The following KPNA3 variants were observed in gnomAD, a reference collection of about 807,000 sequenced individuals.
KPNA3 encodes the protein karyopherin subunit alpha 3, also known as importin subunit alpha-4.
A neutral mutation model predicts 73.8 loss-of-function variants in KPNA3; 13 were observed. The observed-to-expected ratio is 0.18, with a 90% CI of 0.11 to 0.28. KPNA3 has a LOEUF of 0.28. Among genes scored for constraint, KPNA3 ranks in the 10% least tolerant of loss-of-function variants. KPNA3 has a pLI of 1.00. For missense variants in KPNA3, 360 were observed against 618.1 expected (o/e 0.58, Z 4.43); for synonymous variants, 186 against 206.9 (o/e 0.90, Z 0.87).
At chr13:49,723,538 C>T (rs976498349) in intron 7 of KPNA3, among the ~76,000 whole-genome samples, 4 of 151,536 alleles carry the variant, frequency 2.6e-5, no homozygotes, top group African/African-American at 7.3e-5. Flanking sequence ...CACTGCACTC[C>T]AGCCTGGGTG....
chr13:49,788,821 C>T (rs1174587593), intron 1 of KPNA3, among the ~76,000 whole-genome samples: 1 of 149,534 alleles, frequency 6.7e-6, no homozygotes, highest in East Asian at 2.0e-4. Context: ...CTACAAAATG[C>T]ATCCCCTACC....
intron 1 of KPNA3, among the ~76,000 whole-genome samples, chr13:49,762,081 G>C (rs116905711): frequency 6.6e-6 from 1 of 150,762 alleles, no homozygotes; most frequent in Admixed American, 6.6e-5. Context: ...ATCTCCGCCC[G>C]GCAGACGCCC....
intron 1 of KPNA3, among the ~76,000 whole-genome samples, chr13:49,761,220 C>T (rs1375569458): frequency 3.3e-5 from 5 of 151,760 alleles, no homozygotes; most frequent in African/African-American, 9.7e-5. Context: ...CTCCCTCTCC[C>T]CACGGTCTCC....
At chr13:49,712,242 G>A (rs575325868) in intron 10 of KPNA3, among the ~76,000 whole-genome samples, 1 of 152,230 alleles carries the variant, frequency 6.6e-6, no homozygotes, top group Admixed American at 6.5e-5. Context: ...CAAGATCCAG[G>A]AAATTCTCAA....
chr13:49,781,159 ACTTACC>A (rs1170052573), intron 1 of KPNA3, among the ~76,000 whole-genome samples: 2 of 152,166 alleles, frequency 1.3e-5, no homozygotes, highest in African/African-American at 4.8e-5. Flanking sequence ...GCCTTCAGTG[ACTTACC>A]CAGGCCAACT....
chr13:49,743,856 A>G (rs1456447365), intron 2 of KPNA3, among the ~76,000 whole-genome samples: 2 of 152,180 alleles, frequency 1.3e-5, no homozygotes, highest in Non-Finnish European at 1.5e-5. Flanking sequence ...GTAAGGGCCC[A>G]TATCTGGTGG....
intron 1 of KPNA3, among the ~76,000 whole-genome samples, chr13:49,752,614 A>G (rs1273326367): frequency 1.3e-5 from 2 of 152,328 alleles, no homozygotes; most frequent in East Asian, 1.9e-4. Flanking sequence ...GAAATAAAGC[A>G]AAAAATTATT....
intron 1 of KPNA3, among the ~76,000 whole-genome samples, chr13:49,787,887 C>A (rs1954997828): frequency 6.6e-6 from 1 of 152,088 alleles, no homozygotes; most frequent in African/African-American, 2.4e-5. Flanking sequence ...ACCATGTTGG[C>A]CAGGCTGGTC....
chr13:49,752,758 G>C (rs941287262), intron 1 of KPNA3, among the ~76,000 whole-genome samples: 1 of 152,056 alleles, frequency 6.6e-6, no homozygotes, highest in African/African-American at 2.4e-5. Flanking sequence ...GCTGGGCACG[G>C]TGGCTTACGT....
At position 49,709,104 on chromosome 13, in the gene KPNA3, G is replaced by A. The variant is rs531375681; in HGVS notation, c.1032+468C>T. Among the ~76,000 whole-genome samples, 42 of 152,102 alleles carry A rather than the reference G, an allele frequency of 2.8e-4. No individual in the cohort carries two copies. In the East Asian group the frequency reaches 7.2e-3, roughly 26 times the overall value. ...GACCAGGGCAGCACCTACCAGAAGC[G>A]ATTAAAAGTTGAAAAAGGCTGGGCG... On this transcript the variant is annotated intron_variant, in intron 12 of 16. Transcript: ENST00000261667.
chr13:49,708,937 G>C (rs1954233334), intron 12 of KPNA3, among the ~76,000 whole-genome samples: 1 of 152,090 alleles, frequency 6.6e-6, no homozygotes, highest in Non-Finnish European at 1.5e-5. Context: ...TTTATGATCG[G>C]TTTGTTTAAA....
At chr13:49,712,432 AG>A (rs1157271610) in intron 10 of KPNA3, among the ~76,000 whole-genome samples, 6 of 152,138 alleles carry the variant, frequency 3.9e-5, no homozygotes, top group Admixed American at 3.9e-4. Flanking sequence ...ACATGATAGA[AG>A]GGGGAAAAAA....
chr13:49,721,886 T>C (rs375612778), intron 9 of KPNA3, 69 bp downstream of exon 9: 63 of 1,062,198 alleles, frequency 5.9e-5, no homozygotes, highest in South Asian at 4.1e-4. Flanking sequence ...TTTTGTCCCC[T>C]GTATATGAAT....
chr13:49,742,727 C>T (rs945594363), intron 2 of KPNA3, among the ~76,000 whole-genome samples: 1 of 151,908 alleles, frequency 6.6e-6, no homozygotes, highest in African/African-American at 2.4e-5. Context: ...ACTAATTCTT[C>T]CAAATCCGTG....
At position 49,751,025 on chromosome 13, in the gene KPNA3, G is replaced by A. The variant is rs977098889; in HGVS notation, c.70-4032C>T. The stretch of plus-strand genomic sequence containing the variant: ...AAAGTGTTAAGCTTGAGATAGGAAA[G>A]TAAATGTTAAGATCTGTATCAAGAG... On this transcript the variant is annotated intron_variant, in intron 1 of 16. Transcript: ENST00000261667. Among the ~76,000 whole-genome samples, 6 of 152,042 alleles carry A rather than the reference G, an allele frequency of 3.9e-5. No homozygotes were observed. The South Asian group carries it at 1.2e-3, about 32-fold the overall frequency.
At chr13:49,743,713 AAATAT>A (rs1566347844) in intron 2 of KPNA3, among the ~76,000 whole-genome samples, 4 of 152,154 alleles carry the variant, frequency 2.6e-5, no homozygotes, top group African/African-American at 4.8e-5. Flanking sequence ...TCAAGTAACC[AAATAT>A]AATATATAAA....
intron 2 of KPNA3, among the ~76,000 whole-genome samples, chr13:49,740,954 C>T (rs921748795): frequency 3.5e-4 from 53 of 152,162 alleles, no homozygotes; most frequent in African/African-American, 1.3e-3. Flanking sequence ...CCAAGTTCAT[C>T]CACGTTGTTG....
intron 2 of KPNA3, among the ~76,000 whole-genome samples, chr13:49,739,871 T>G (rs543272655): frequency 1.3e-5 from 2 of 152,328 alleles, no homozygotes; most frequent in East Asian, 3.9e-4. Flanking sequence ...CATATTATTT[T>G]TAAAAAGTTG....
At chr13:49,725,893 C>T (rs774456083) in intron 6 of KPNA3, among the ~76,000 whole-genome samples, 1 of 152,082 alleles carries the variant, frequency 6.6e-6, no homozygotes, top group Non-Finnish European at 1.5e-5. Context: ...CTGCCCACCT[C>T]GGCTTCCCAA....
Sources: gnomAD v4.1 joint callset for allele counts (sites outside exome capture counted in the v4.1 genomes callset) on GRCh38, gnomAD v4.1.1 for gene constraint, MANE v1.5 for transcripts, NCBI Gene and HGNC (gene_info 2026-07-23, HGNC 2026-07-21) for gene names.